Variants in TMEM132C observed in about 807,000 individuals in gnomAD.
TMEM132C encodes the protein transmembrane protein 132C.
TMEM132C carries 29 observed loss-of-function variants against 61.4 expected under a neutral mutation model. The ratio of observed to expected loss-of-function variants is 0.47; its 90% confidence interval spans 0.35 to 0.64. The LOEUF (loss-of-function observed/expected upper bound fraction) is 0.64. Among genes scored for constraint, TMEM132C ranks in the 30% least tolerant of loss-of-function variants. TMEM132C has a pLI of 0.00. For missense variants in TMEM132C, 1,408 were observed against 1,476.9 expected, an observed-to-expected ratio of 0.95 and a Z score of 0.76; for synonymous variants, 656 against 633.1, an observed-to-expected ratio of 1.04 and a Z score of -0.54.
intron 1 of TMEM132C, among the ~76,000 whole-genome samples, chr12:128,344,941 T>TA (rs1873101285): frequency 6.7e-6 from 1 of 149,776 alleles, no homozygotes; most frequent in Admixed American, 6.6e-5. Context: ...TTTTTTTTTT[T>TA]TAAATTTCCA....
chr12:128,327,266 G>A (rs566451718), intron 1 of TMEM132C, among the ~76,000 whole-genome samples: 6 of 150,242 alleles, frequency 4.0e-5, no homozygotes, highest in Admixed American at 3.9e-4. Context: ...TATTTGAAGA[G>A]ACTTATTCTG....
At chr12:128,634,794 C>T (rs1027421866) in intron 4 of TMEM132C, among the ~76,000 whole-genome samples, 1 of 152,200 alleles carries the variant, frequency 6.6e-6, no homozygotes, top group African/African-American at 2.4e-5. Context: ...TAGGTTTTAG[C>T]ACCAAACCAA....
chr12:128,636,041 A>G (rs1954100529), intron 4 of TMEM132C, among the ~76,000 whole-genome samples: 4 of 152,122 alleles, frequency 2.6e-5, no homozygotes, highest in Admixed American at 2.6e-4. Flanking sequence ...GAGATGTTCT[A>G]AATTCTTCTC....
chr12:128,655,161 G>A (rs550072783), intron 4 of TMEM132C, among the ~76,000 whole-genome samples: 6 of 152,322 alleles, frequency 3.9e-5, no homozygotes, highest in Admixed American at 2.6e-4. Context: ...GTCAGGTAAC[G>A]TGTCCAGCCT....
intron 4 of TMEM132C, among the ~76,000 whole-genome samples, chr12:128,624,405 G>A (rs183708514): frequency 2.6e-5 from 4 of 152,008 alleles, no homozygotes; most frequent in East Asian, 1.9e-4. Flanking sequence ...TTAGCTGGAC[G>A]TGGTGGCGGG....
At chr12:128,453,104 T>C (rs906946041) in intron 2 of TMEM132C, among the ~76,000 whole-genome samples, 28 of 152,148 alleles carry the variant, frequency 1.8e-4, no homozygotes, top group Non-Finnish European at 4.0e-4. Flanking sequence ...CAAGACCGTG[T>C]TGATTCTTTA....
Position 128,326,050 on chromosome 12 carries a change from C to T in TMEM132C, c.85+58563C>T, listed in dbSNP as rs1417670299. Reference sequence around the variant, plus strand: ...ATACTCAGGACATGGCCAGTATTCACACAGTATTGGAATGAACGAGTAAAT... The same window carrying T: ...ATACTCAGGACATGGCCAGTATTCATACAGTATTGGAATGAACGAGTAAAT... On this transcript the variant is annotated intron_variant, in intron 1 of 8. Transcript: ENST00000435159. This position sits in a 1 kb window ranked among gnomAD's most constrained non-coding sequence, Gnocchi z 5.6. 1.3e-5 allele frequency among the ~76,000 whole-genome samples: 2 copies of T among 152,086 alleles called. No individual in the cohort carries two copies. Among genetic ancestry groups the T allele is most frequent in the East Asian group, 3.9e-4 (2 of 5,192 alleles).
chr12:128,660,060 C>A (rs1214011164), intron 4 of TMEM132C, among the ~76,000 whole-genome samples: 1 of 152,310 alleles, frequency 6.6e-6, no homozygotes, highest in South Asian at 2.1e-4. Context: ...AGTCTCCCTC[C>A]AAGGGTTCAG....
chr12:128,297,367 G>A (rs1037244270), intron 1 of TMEM132C, among the ~76,000 whole-genome samples: 5 of 152,304 alleles, frequency 3.3e-5, no homozygotes, highest in East Asian at 1.9e-4. Flanking sequence ...AAGGGGTTTA[G>A]TGTGCAGCCA....
intron 1 of TMEM132C, among the ~76,000 whole-genome samples, chr12:128,277,370 C>G (rs1870728731): frequency 2.0e-5 from 3 of 152,218 alleles, no homozygotes; most frequent in Admixed American, 2.0e-4. Flanking sequence ...GAGAGGCCAT[C>G]ATTATCAACA....
At chr12:128,409,272 T>C (rs1225100112) in intron 1 of TMEM132C, among the ~76,000 whole-genome samples, 2 of 152,152 alleles carry the variant, frequency 1.3e-5, no homozygotes, top group Middle Eastern at 3.2e-3. Context: ...ATGGTTCAAA[T>C]AACCCTGGAA....
chr12:128,506,990 G>T (rs113671791), intron 2 of TMEM132C, among the ~76,000 whole-genome samples: 144 of 152,044 alleles, frequency 9.5e-4, no homozygotes, highest in Non-Finnish European at 1.6e-3. Context: ...CACCCCAGGA[G>T]AGCATACCCT....
chr12:128,496,648 G>A lies in TMEM132C; in HGVS notation c.975-47309G>A, dbSNP rs190232042. ...ATCGGCTACTGAAGCTTGTGCATTC[G>A]TCACATAGTTCTCGTGCCATGGTTT... is the stretch of plus-strand genomic sequence containing the variant. On this transcript the variant is annotated intron_variant, in intron 2 of 8. Transcript: ENST00000435159. Among the ~76,000 whole-genome samples the A allele has an allele frequency of 1.2e-3, 184 of 152,106 alleles. 1 individual carries two copies. Among genetic ancestry groups the A allele is most frequent in the African/African-American group, 2.1e-3 (87 of 41,470 alleles).
chr12:128,522,150 G>A (rs931703648), intron 2 of TMEM132C, among the ~76,000 whole-genome samples: 19 of 152,196 alleles, frequency 1.2e-4, no homozygotes, highest in Admixed American at 3.3e-4. Context: ...TCTCAAGAAC[G>A]CTGGGGTGTA....
At chr12:128,287,832 CT>C (rs961149525) in intron 1 of TMEM132C, among the ~76,000 whole-genome samples, 2 of 152,024 alleles carry the variant, frequency 1.3e-5, no homozygotes, top group South Asian at 2.1e-4. Flanking sequence ...ATTTCTCAGC[CT>C]TTTTTTGTCT....
chr12:128,549,406 A>AC (rs1441634041), intron 3 of TMEM132C, among the ~76,000 whole-genome samples: 2 of 151,214 alleles, frequency 1.3e-5, no homozygotes, highest in Non-Finnish European at 2.9e-5. Context: ...AGCCACCATC[A>AC]CCCCCCGGCG....
chr12:128,567,020 C>T (rs1874726314), intron 3 of TMEM132C, among the ~76,000 whole-genome samples: 2 of 152,162 alleles, frequency 1.3e-5, no homozygotes, highest in African/African-American at 4.8e-5. Flanking sequence ...GGGATCCTCA[C>T]TTCTAGAAAC....
intron 2 of TMEM132C, among the ~76,000 whole-genome samples, chr12:128,424,689 A>T (rs765332725): frequency 1.3e-5 from 2 of 152,210 alleles, no homozygotes; most frequent in Non-Finnish European, 2.9e-5. Context: ...TATACTAAAT[A>T]CTGAATTGTA....
At chr12:128,268,220 T>C (rs569688899) in intron 1 of TMEM132C, among the ~76,000 whole-genome samples, 1 of 152,290 alleles carries the variant, frequency 6.6e-6, no homozygotes, top group East Asian at 1.9e-4. Flanking sequence ...TTCTCTACAA[T>C]GGGAGTGACG....
Sources: allele counts gnomAD v4.1 joint callset (sites outside exome capture counted in the v4.1 genomes callset), GRCh38; gene constraint gnomAD v4.1.1; non-coding constraint Gnocchi (gnomAD v3.1); transcripts MANE v1.5; gene names NCBI Gene and HGNC (gene_info 2026-07-23, HGNC 2026-07-21).